Variants in HHAT observed in about 807,000 individuals in gnomAD.
The protein encoded by HHAT is protein-cysteine N-palmitoyltransferase HHAT.
HHAT carries 47 observed loss-of-function variants against 70.8 expected under a neutral mutation model. The ratio of observed to expected loss-of-function variants is 0.66; its 90% CI spans 0.53 to 0.85. The LOEUF (loss-of-function observed/expected upper bound fraction) is 0.85, where lower values mean the gene tolerates loss of function less well. Among genes scored for constraint, HHAT ranks in the 40% least tolerant of loss-of-function variants. HHAT has a pLI of 0.00. For missense variants in HHAT, 609 were observed against 604.8 expected (o/e 1.01, Z -0.07); for synonymous variants, 228 against 247.6 (o/e 0.92, Z 0.74).
At chr1:210,456,297 C>CT (rs1274275754) in intron 7 of HHAT, among the ~76,000 whole-genome samples, 2 of 152,110 alleles carry the variant, frequency 1.3e-5, no homozygotes, top group African/African-American at 2.4e-5. Context: ...GACTCGTTGC[C>CT]TTTTTTCCCC....
At chr1:210,648,668 T>C (rs1674546478) in intron 11 of HHAT, among the ~76,000 whole-genome samples, 1 of 152,234 alleles carries the variant, frequency 6.6e-6, no homozygotes, top group African/African-American at 2.4e-5. Context: ...TGATTGATTA[T>C]GCACAACACG....
At chr1:210,583,944 CTAATT>C (rs1659816937) in intron 9 of HHAT, among the ~76,000 whole-genome samples, 1 of 100,732 alleles carries the variant, frequency 9.9e-6, no homozygotes, top group Non-Finnish European at 2.0e-5. Context: ...TACAGTGCAG[CTAATT>C]TTTTTTTTTT....
At chr1:210,500,842 G>A (rs2094738565) in intron 8 of HHAT, among the ~76,000 whole-genome samples, 1 of 152,188 alleles carries the variant, frequency 6.6e-6, no homozygotes, top group South Asian at 2.1e-4. Context: ...TGTTCTGTGG[G>A]GACTGTTGCC....
intron 8 of HHAT, among the ~76,000 whole-genome samples, chr1:210,481,517 A>G (rs1361685754): frequency 6.6e-6 from 1 of 152,192 alleles, no homozygotes; most frequent in Non-Finnish European, 1.5e-5. Context: ...GAAATCGCCA[A>G]AAACACAAAA....
intron 2 of HHAT, among the ~76,000 whole-genome samples, chr1:210,362,251 CTTTTCTT>C (rs2088421935): frequency 1.1e-5 from 1 of 92,302 alleles, no homozygotes; most frequent in East Asian, 4.1e-4. Context: ...TTTTTTTTTT[CTTTTCTT>C]TTTTGAGATG....
At chr1:210,498,795 G>T (rs562046485) in intron 8 of HHAT, among the ~76,000 whole-genome samples, 16 of 145,840 alleles carry the variant, frequency 1.1e-4, no homozygotes, top group Non-Finnish European at 2.2e-4. Context: ...TTTTTGAGAC[G>T]GAGTCTCGCT....
intron 6 of HHAT, among the ~76,000 whole-genome samples, chr1:210,410,444 T>C (rs924284980): frequency 2.7e-5 from 4 of 146,332 alleles, no homozygotes; most frequent in Non-Finnish European, 5.9e-5. Context: ...TGAAAAACCT[T>C]TTGTTTTTTT....
intron 9 of HHAT, among the ~76,000 whole-genome samples, chr1:210,544,998 A>G (rs2095470473): frequency 6.6e-6 from 1 of 152,106 alleles, no homozygotes; most frequent in Admixed American, 6.5e-5. Flanking sequence ...TTATCTGGGC[A>G]ACTGAAGTAG....
chr1:210,413,682 C>A (rs957924996), intron 6 of HHAT, among the ~76,000 whole-genome samples: 15 of 152,196 alleles, frequency 9.9e-5, no homozygotes, highest in Non-Finnish European at 1.8e-4. Flanking sequence ...AACAGGATTG[C>A]TTTTCATTCA....
chr1:210,498,424 G>A (rs372394018), intron 8 of HHAT, among the ~76,000 whole-genome samples: 1 of 152,132 alleles, frequency 6.6e-6, no homozygotes, highest in East Asian at 1.9e-4. Flanking sequence ...CAGTGGGAGA[G>A]GAATTTAGTT....
In HHAT at chr1:210,404,642, A is replaced by G. The variant is rs1048728289; in HGVS notation, c.647A>G (p.Asn216Ser). The G allele has an allele frequency of 1.4e-5, 23 of 1,613,764 alleles. No homozygotes were observed. Among genetic ancestry groups the G allele is most frequent in the Non-Finnish European group, 1.7e-5 (20 of 1,179,956 alleles). Residue 216 changes from asparagine (N) to serine (S), a missense_variant, in exon 6 of 12, where the codon AAT becomes AGT. By Grantham distance (46) the Asn-to-Ser change is conservative. Transcript: ENST00000261458. The part of the protein sequence containing the change: ...AYVFYYPVLH[N>S]GPILSFSEFI... ...GTCTTTTATTATCCAGTCTTACACA[A>G]TGGGCCCATCCTCAGCTTCTCGGAG...
At chr1:210,495,436 C>CT (rs1368579050) in intron 8 of HHAT, among the ~76,000 whole-genome samples, 3 of 151,904 alleles carry the variant, frequency 2.0e-5, no homozygotes, top group Non-Finnish European at 4.4e-5. Flanking sequence ...GTTAAATAGC[C>CT]TTTTTCAAGC....
intron 7 of HHAT, among the ~76,000 whole-genome samples, chr1:210,441,911 A>G (rs1189608276): frequency 1.3e-5 from 2 of 151,996 alleles, no homozygotes; most frequent in East Asian, 3.9e-4. Flanking sequence ...CAGGTTAGTT[A>G]CATATGTATA....
chr1:210,492,317 T>C (rs1333062646), intron 8 of HHAT, among the ~76,000 whole-genome samples: 2 of 152,190 alleles, frequency 1.3e-5, no homozygotes, highest in Non-Finnish European at 1.5e-5. Flanking sequence ...TGTTTACTTG[T>C]AGTTCTTCTC....
intron 5 of HHAT, among the ~76,000 whole-genome samples, 156 bp downstream of exon 5, chr1:210,400,818 A>G (rs2092032366): frequency 6.6e-6 from 1 of 152,212 alleles, no homozygotes; most frequent in Non-Finnish European, 1.5e-5. Context: ...AGTGAACCCT[A>G]GTGGTGCATT....
At chr1:210,501,613 G>A (rs2094755862) in intron 8 of HHAT, among the ~76,000 whole-genome samples, 1 of 152,214 alleles carries the variant, frequency 6.6e-6, no homozygotes, top group Admixed American at 6.5e-5. Flanking sequence ...TCTGCAATCT[G>A]CTGACGTCCA....
chr1:210,527,587 C>T (rs889322654), intron 9 of HHAT, among the ~76,000 whole-genome samples: 2 of 152,036 alleles, frequency 1.3e-5, no homozygotes, highest in Admixed American at 6.5e-5. Context: ...AGTGGCAACA[C>T]CTTTAAAAAA....
chr1:210,551,127 G>A (rs769132283), intron 9 of HHAT, among the ~76,000 whole-genome samples: 2 of 148,968 alleles, frequency 1.3e-5, no homozygotes, highest in Non-Finnish European at 1.5e-5. Flanking sequence ...AACTCCATGT[G>A]GCTGGAATAA....
chr1:210,450,852 GC>G (rs1188931618), intron 7 of HHAT, among the ~76,000 whole-genome samples: 1 of 151,958 alleles, frequency 6.6e-6, no homozygotes, highest in Non-Finnish European at 1.5e-5. Flanking sequence ...TGTTAAAAGT[GC>G]GGGCAGATCA....
Sources: gnomAD v4.1 joint callset for allele counts (sites outside exome capture counted in the v4.1 genomes callset) on GRCh38, gnomAD v4.1.1 for gene constraint, MANE v1.5 for transcripts, NCBI Gene and HGNC (gene_info 2026-07-23, HGNC 2026-07-21) for gene names.